Variants in RDH11 observed in about 807,000 individuals in gnomAD.
The protein encoded by RDH11 is retinol dehydrogenase 11.
RDH11 carries 19 observed loss-of-function variants against 33.4 expected under a neutral mutation model. The ratio of observed to expected loss-of-function variants is 0.57; its 90% CI spans 0.40 to 0.83. The LOEUF is 0.83. Ranked by LOEUF, RDH11 falls within the 40% of genes least tolerant of loss-of-function variation. RDH11 has a pLI of 0.00. For synonymous variants in RDH11, 154 were observed against 155.3 expected (o/e 0.99, Z 0.06); for missense variants, 353 against 389.0 (o/e 0.91, Z 0.78).
chr14:67,692,421 T>C lies in RDH11; in HGVS notation c.349+17A>G. 6.2e-7 allele frequency: 1 copy of C among 1,613,808 alleles called. No individual in the cohort carries two copies. The highest frequency in any genetic ancestry group is 8.5e-7 in the Non-Finnish European group (1 of 1,179,846). On this transcript the variant is annotated intron_variant, in intron 3 of 6. Transcript: ENST00000381346. Reference sequence around the variant, plus strand: ...ACCTCAAGACCCACAACATAGTCTCTCTAGTTCTACACTTACCAGCTAAGA... The same window carrying C: ...ACCTCAAGACCCACAACATAGTCTCCCTAGTTCTACACTTACCAGCTAAGA...
chr14:67,686,806 C>A (rs1414887820), intron 5 of RDH11, among the ~76,000 whole-genome samples: 2 of 152,066 alleles, frequency 1.3e-5, no homozygotes, highest in African/African-American at 4.8e-5. Flanking sequence ...ACATACACTG[C>A]CTATTAATCT....
intron 4 of RDH11, 52 bp from the exon 5 acceptor site, chr14:67,690,473 G>C (rs746052283): frequency 1.1e-5 from 17 of 1,532,614 alleles, no homozygotes. Context: ...AGGAATGACA[G>C]GAGTCGTGGT....
intron 1 of RDH11, among the ~76,000 whole-genome samples, chr14:67,694,350 C>G (rs183921036): frequency 6.6e-6 from 1 of 151,786 alleles, no homozygotes; most frequent in African/African-American, 2.4e-5. Context: ...CCTTAACCAG[C>G]AGGAATGAAA....
chr14:67,685,525 G>A lies in RDH11; in HGVS notation c.665-321C>T, dbSNP rs556402560. Among the ~76,000 whole-genome samples, 14 of 152,176 alleles carry A rather than the reference G, an allele frequency of 9.2e-5. No homozygotes were observed. In the South Asian group the frequency reaches 2.7e-3, roughly 29 times the overall value. On this transcript the variant is annotated intron_variant, in intron 5 of 6. Coordinates refer to ENST00000381346, the MANE Select transcript of RDH11 (RefSeq NM_016026.4). The stretch of plus-strand genomic sequence containing the variant: ...TTTTTTAGAGATGGGGTCTCCCTAT[G>A]TTGACCAGGCTGGTCTTGAACTCCT...
chr14:67,680,417 T>A (rs2037600068), intron 6 of RDH11, among the ~76,000 whole-genome samples: 1 of 152,228 alleles, frequency 6.6e-6, no homozygotes, highest in African/African-American at 2.4e-5. Context: ...ACAGTTGACA[T>A]GAAGGTTCCT....
At chr14:67,681,169 G>T (rs1360896843) in intron 6 of RDH11, among the ~76,000 whole-genome samples, 2 of 152,230 alleles carry the variant, frequency 1.3e-5, no homozygotes, top group Admixed American at 6.5e-5. Flanking sequence ...CACCAGGAGT[G>T]TGTGTACATA....
In RDH11 at chr14:67,685,047, T is replaced by C. The variant is rs757360463; in HGVS notation, c.822A>G (p.Glu274=). Residue 274 remains glutamate (E), a synonymous_variant, in exon 6 of 7, where the codon GAA becomes GAG. Transcript: ENST00000381346. ...AQTSLHCALT[E]GLEILSGNHF... is the part of the protein sequence containing the mutation. ...GATTCCCACTTAGAATCTCAAGACC[T>C]TCTGTTAAGGCACAGTGCAGGCTGG... The C allele has an allele frequency of 6.2e-7, 1 of 1,612,402 alleles. No homozygotes were observed. The highest frequency in any genetic ancestry group is 8.5e-7 in the Non-Finnish European group (1 of 1,179,536).
At chr14:67,684,951 G>A in intron 6 of RDH11, 64 bp downstream of exon 6, 1 of 1,434,008 alleles carries the variant, frequency 7.0e-7, no homozygotes, top group Non-Finnish European at 9.5e-7. Flanking sequence ...GGTATACCCA[G>A]ACAAACCCAA....
chr14:67,683,421 G>A (rs902672794), intron 6 of RDH11, among the ~76,000 whole-genome samples: 2 of 152,020 alleles, frequency 1.3e-5, no homozygotes, highest in Non-Finnish European at 2.9e-5. Flanking sequence ...CTACTTGCAT[G>A]CCTTATAGAT....
At chr14:67,690,621 G>T in intron 4 of RDH11, 200 bp from the exon 5 acceptor site, 1 of 572,590 alleles carries the variant, frequency 1.7e-6, no homozygotes, top group Admixed American at 3.0e-5. Context: ...ATCCTTATAT[G>T]AGCGAGATAG....
chr14:67,683,221 TA>T (rs1361206692), intron 6 of RDH11, among the ~76,000 whole-genome samples: 5 of 152,142 alleles, frequency 3.3e-5, no homozygotes, highest in Admixed American at 2.0e-4. Context: ...AATCCAATAG[TA>T]AGTTATGGAT....
intron 1 of RDH11, among the ~76,000 whole-genome samples, chr14:67,693,645 CTTTCTCT>C (rs2037784053): frequency 6.7e-6 from 1 of 149,580 alleles, no homozygotes; most frequent in African/African-American, 2.5e-5. Context: ...CTTTCTTTCT[CTTTCTCT>C]TTTTTTTTTT....
Position 67,695,538 on chromosome 14 carries a change from G to A in RDH11, c.74+92C>T. 5 of 1,293,204 alleles carry A rather than the reference G, an allele frequency of 3.9e-6. No individual in the cohort carries two copies. The South Asian group carries it at 6.9e-5, about 18-fold the overall frequency. 80.1% of individuals were successfully genotyped at this position (1,293,204 alleles called of 1,614,324 possible). ...CCGCCATCTTGGAGCCCCCCCAGGG[G>A]AGTTTTCCAAGAAAGCTTTGGTGGG... On this transcript the variant is annotated intron_variant, in intron 1 of 6. Coordinates refer to ENST00000381346, the MANE Select transcript of RDH11 (RefSeq NM_016026.4).
intron 1 of RDH11, among the ~76,000 whole-genome samples, chr14:67,693,779 C>T (rs2037786142): frequency 6.6e-6 from 1 of 151,636 alleles, no homozygotes; most frequent in Admixed American, 6.6e-5. Context: ...CGATTCTCAT[C>T]CCTCACCCCC....
intron 5 of RDH11, among the ~76,000 whole-genome samples, chr14:67,686,785 A>G (rs896393846): frequency 2.6e-4 from 39 of 152,168 alleles, no homozygotes; most frequent in Non-Finnish European, 4.9e-4. Context: ...GAAAGGTAAT[A>G]TGAAATGTAT....
In RDH11 at chr14:67,691,141, C is replaced by T. The variant is rs762646774; in HGVS notation, c.453G>A (p.Leu151=). 1 of 1,608,988 alleles carries T rather than the reference C, an allele frequency of 6.2e-7. No individual in the cohort carries two copies. Among genetic ancestry groups the T allele is most frequent in the East Asian group, 2.2e-5 (1 of 44,854 alleles). Residue 151 remains leucine (L), a splice_region_variant and synonymous_variant, in exon 4 of 7, where the codon TTG becomes TTA. Coordinates refer to ENST00000381346, the MANE Select transcript of RDH11 (RefSeq NM_016026.4). The stretch of plus-strand genomic sequence containing the variant: ...TTGTGATAAGGCCAGATTTCTTACC[C>T]AAGTGGTTGACTCCTATGTGCATCT... The part of the protein sequence containing the change: ...GFEMHIGVNH[L]GHFLLTHLLL...
chr14:67,691,933 A>G (rs1320141836), intron 3 of RDH11: 1 of 154,238 alleles, frequency 6.5e-6, no homozygotes, highest in Non-Finnish European at 1.4e-5. Context: ...ACATGATGCC[A>G]GCTCGGGTTC....
At chr14:67,693,641 TTC>T (rs1179364151) in intron 1 of RDH11, among the ~76,000 whole-genome samples, 1 of 150,604 alleles carries the variant, frequency 6.6e-6, no homozygotes, top group Non-Finnish European at 1.5e-5. Flanking sequence ...GTTTCTTTCT[TTC>T]TCTTTCTCTT....
chr14:67,684,800 A>G (rs1280389131), intron 6 of RDH11: 1 of 392,104 alleles, frequency 2.6e-6, no homozygotes, highest in Non-Finnish European at 4.5e-6. Flanking sequence ...AACAAACAGA[A>G]TGCATAATTA....
Sources: gnomAD v4.1 joint callset for allele counts (sites outside exome capture counted in the v4.1 genomes callset) on GRCh38, gnomAD v4.1.1 for gene constraint, MANE v1.5 for transcripts, NCBI Gene and HGNC (gene_info 2026-07-23, HGNC 2026-07-21) for gene names.